The following THADA variants were observed in gnomAD, a reference collection of about 807,000 sequenced individuals.
THADA encodes the protein tRNA (32-2'-O)-methyltransferase regulator THADA.
In THADA, 213 loss-of-function variants were observed where a neutral mutation model predicts 219.8. That is an observed-to-expected ratio of 0.97 (90% CI 0.87 to 1.09). The LOEUF (loss-of-function observed/expected upper bound fraction) is 1.09. Among genes scored for constraint, THADA ranks in the 50% least tolerant of loss-of-function variants. THADA has a pLI of 0.00. For missense variants in THADA, 2,956 were observed against 2,311.3 expected (o/e 1.28, Z -5.72); for synonymous variants, 1,018 against 828.9 (o/e 1.23, Z -3.92).
intron 27 of THADA, among the ~76,000 whole-genome samples, chr2:43,428,499 G>GAAT (rs1197112977): frequency 3.9e-5 from 6 of 152,112 alleles, no homozygotes; most frequent in Non-Finnish European, 8.8e-5. Flanking sequence ...CAGCTACTCG[G>GAAT]GAGGCTGAGG....
At chr2:43,505,596 G>A (rs781672739) in intron 24 of THADA, 26 bp downstream of exon 24, 2 of 1,478,548 alleles carry the variant, frequency 1.4e-6, no homozygotes, top group Non-Finnish European at 1.9e-6. Context: ...AACAACACTG[G>A]AGGGTTTGTG....
chr2:43,527,854 G>A (rs749148646), intron 22 of THADA, 25 bp downstream of exon 22: 13 of 1,497,716 alleles, frequency 8.7e-6, no homozygotes, highest in African/African-American at 4.2e-5. Flanking sequence ...TTTTTAAAAC[G>A]TACACAAAAG....
intron 21 of THADA, 56 bp from the exon 22 acceptor site, chr2:43,528,044 T>C (rs1693384623): frequency 7.6e-7 from 1 of 1,311,026 alleles, no homozygotes; most frequent in Middle Eastern, 1.9e-4. Context: ...CGCAAGTGTA[T>C]TTATATCAGT....
intron 15 of THADA, chr2:43,566,418 A>G: frequency 1.4e-6 from 1 of 699,702 alleles, no homozygotes; most frequent in Non-Finnish European, 2.6e-6. Flanking sequence ...AGCAACAAAC[A>G]AATTAGTGAG....
chr2:43,419,113 ATCT>A (rs1677378249), intron 28 of THADA, among the ~76,000 whole-genome samples: 1 of 152,204 alleles, frequency 6.6e-6, no homozygotes, highest in Non-Finnish European at 1.5e-5. Flanking sequence ...TGGCCTCCAC[ATCT>A]TCTCTTGCAA....
intron 37 of THADA, among the ~76,000 whole-genome samples, chr2:43,231,697 T>G (rs978504568): frequency 1.5e-4 from 23 of 152,064 alleles, no homozygotes; most frequent in Non-Finnish European, 2.9e-5. Flanking sequence ...AGCTGGAAAT[T>G]GGAGAGGAGG....
In THADA at chr2:43,508,657, G is replaced by C; in HGVS notation, c.3498C>G (p.Phe1166Leu). The C allele has an allele frequency of 2.5e-6, 4 of 1,613,184 alleles. No individual in the cohort carries two copies. The highest frequency in any genetic ancestry group is 3.4e-6 in the Non-Finnish European group (4 of 1,179,544). Residue 1166 changes from phenylalanine (F) to leucine (L), a missense_variant, in exon 23 of 38, where the codon TTC becomes TTG. By Grantham distance (22) the Phe-to-Leu change is conservative. Transcript: ENST00000405975. ...CATRRSAGIP[F>L]YIQALLASEP... ...TCCTACAGATAAATACCTGTATGTA[G>C]AAAGGAATTCCAGCACTGCGCCTTG...
intron 28 of THADA, among the ~76,000 whole-genome samples, chr2:43,405,868 TA>T (rs372294080): frequency 8.0e-4 from 121 of 152,102 alleles, no homozygotes; most frequent in African/African-American, 2.3e-3. Flanking sequence ...ATTAAACCCT[TA>T]AAAAAAATTA....
intron 26 of THADA, among the ~76,000 whole-genome samples, chr2:43,445,011 C>G (rs1327166503): frequency 6.6e-6 from 1 of 152,138 alleles, no homozygotes; most frequent in Admixed American, 6.5e-5. Context: ...AGGCCAAAGC[C>G]TGGGGGTTTT....
In THADA at chr2:43,574,668, C is replaced by G; in HGVS notation, c.1397G>C (p.Gly466Ala). Residue 466 changes from glycine (G) to alanine (A), a missense_variant, in exon 11 of 38, where the codon GGA (glycine) becomes GCA (alanine). Coordinates refer to ENST00000405975, the MANE Select transcript of THADA (RefSeq NM_022065.5). ...ATCTATAGCCAAAATATGTTCAACTCCTATGCACTCTACCAAACAACCAAG... is the reference window on the plus strand; with the variant it reads ...ATCTATAGCCAAAATATGTTCAACTGCTATGCACTCTACCAAACAACCAAG... ...TCLGCLVECI[G>A]VEHILAIDKT... 6.2e-7 allele frequency: 1 copy of G among 1,613,998 alleles called. No homozygotes were observed. The highest frequency in any genetic ancestry group is 8.5e-7 in the Non-Finnish European group (1 of 1,179,898).
At chr2:43,521,793 G>A (rs1035920115) in intron 22 of THADA, among the ~76,000 whole-genome samples, 9 of 152,152 alleles carry the variant, frequency 5.9e-5, no homozygotes, top group South Asian at 2.1e-4. Context: ...AATAAAACCC[G>A]CAGACTAAAA....
At chr2:43,341,750 A>T (rs1050551575) in intron 30 of THADA, among the ~76,000 whole-genome samples, 4 of 152,162 alleles carry the variant, frequency 2.6e-5, no homozygotes, top group Non-Finnish European at 5.9e-5. Context: ...TGACTTCTTG[A>T]TCCCCAGAAA....
At chr2:43,556,269 A>T in intron 17 of THADA, 76 bp downstream of exon 17, 1 of 1,561,154 alleles carries the variant, frequency 6.4e-7, no homozygotes, top group Non-Finnish European at 8.7e-7. Context: ...ATATATGTTT[A>T]ACCATTAGAT....
rs781775623 is a variant in THADA, at chr2:43,291,670, C to T, written c.5010+26G>A. The stretch of plus-strand genomic sequence containing the variant: ...AATGAGAACAAAAAATCCTAGGTCC[C>T]GGAACAAGATCAGAACCAGCCTTAC... On this transcript the variant is annotated intron_variant, in intron 34 of 37. Transcript: ENST00000405975. 34 of 1,506,362 alleles carry T rather than the reference C, an allele frequency of 2.3e-5. No homozygotes were observed. In the South Asian group the frequency reaches 2.6e-4, roughly 11 times the overall value. 93.3% of individuals were successfully genotyped at this position (1,506,362 alleles called of 1,614,324 possible).
intron 12 of THADA, 121 bp from the exon 13 acceptor site, chr2:43,571,983 G>T (rs925796350): frequency 2.4e-6 from 2 of 826,420 alleles, no homozygotes; most frequent in Non-Finnish European, 3.8e-6. Flanking sequence ...TCACCAATAG[G>T]TACCTCAGAA....
Position 43,320,492 on chromosome 2 carries a change from G to C in THADA, c.4392C>G (p.Phe1464Leu). 6.2e-7 allele frequency: 1 copy of C among 1,613,720 alleles called. No homozygotes were observed. The highest frequency in any genetic ancestry group is 8.5e-7 in the Non-Finnish European group (1 of 1,179,742). ...ATCTGTTGAGGCAGCAAGTCAATAGGAAGAGAATATCAATATATACAGCTC... is the reference window on the plus strand; with the variant it reads ...ATCTGTTGAGGCAGCAAGTCAATAGCAAGAGAATATCAATATATACAGCTC... ...VTRAVYIDIL[F>L]LLTCCLNRSA... The change falls in exon 31 of 38, where the codon TTC (phenylalanine) becomes TTG (leucine). Residue 1464 changes from phenylalanine to leucine, a missense_variant. Transcript: ENST00000405975.
intron 28 of THADA, among the ~76,000 whole-genome samples, chr2:43,410,349 T>C (rs1676128274): frequency 6.6e-6 from 1 of 152,204 alleles, no homozygotes; most frequent in Non-Finnish European, 1.5e-5. Context: ...AAGTTAAATA[T>C]ATACTCACCA....
intron 20 of THADA, among the ~76,000 whole-genome samples, chr2:43,544,582 G>T (rs1173479855): frequency 6.6e-6 from 1 of 151,556 alleles, no homozygotes; most frequent in Non-Finnish European, 1.5e-5. Flanking sequence ...CCTTGAAGAG[G>T]TCCTTCACGT....
At chr2:43,383,776 G>A (rs1357143093) in intron 29 of THADA, among the ~76,000 whole-genome samples, 1 of 152,208 alleles carries the variant, frequency 6.6e-6, no homozygotes, top group East Asian at 1.9e-4. Context: ...CAGGAAATGA[G>A]TGCTTACTAA....
Sources: gnomAD v4.1 joint callset for allele counts (sites outside exome capture counted in the v4.1 genomes callset) on GRCh38, gnomAD v4.1.1 for gene constraint, MANE v1.5 for transcripts, NCBI Gene and HGNC (gene_info 2026-07-23, HGNC 2026-07-21) for gene names.